The following CCDC33 variants were observed in gnomAD, a reference collection of about 807,000 sequenced individuals.
CCDC33 encodes the protein coiled-coil domain containing 33.
In CCDC33, 94 loss-of-function variants were observed where a neutral mutation model predicts 91.9. That is an observed-to-expected ratio of 1.02 (90% confidence interval 0.87 to 1.21). CCDC33 has a LOEUF of 1.21. Among genes scored for constraint, CCDC33 ranks in the 50% most tolerant of loss-of-function variants. The probability of loss-of-function intolerance (pLI) is 0.00; values close to 1 mark genes in which losing one functional copy is unlikely to be tolerated. For synonymous variants in CCDC33, 396 were observed against 374.5 expected, an observed-to-expected ratio of 1.06 and a Z score of -0.66; for missense variants, 940 against 935.5, an observed-to-expected ratio of 1.00 and a Z score of -0.06.
In CCDC33 at chr15:74,281,819, G is replaced by A; in HGVS notation, c.1065G>A (p.Val355=). 1 of 1,614,084 alleles carries A rather than the reference G, an allele frequency of 6.2e-7. No individual in the cohort carries two copies. The highest frequency in any genetic ancestry group is 8.5e-7 in the Non-Finnish European group (1 of 1,179,980). Reference sequence around the variant, plus strand: ...CTATCAATGATGAGGCCCCCACAGTGGCTCTCTCCTTCCAGCTGCTTTCCT... The same window carrying A: ...CTATCAATGATGAGGCCCCCACAGTAGCTCTCTCCTTCCAGCTGCTTTCCT... ...LKTINDEAPT[V]ALSFQLLSSE... Residue 355 remains valine (V), a synonymous_variant, in exon 10 of 19, where the codon GTG becomes GTA. Coordinates refer to ENST00000398814, the MANE Select transcript of CCDC33 (RefSeq NM_025055.5).
At chr15:74,290,763 G>A (rs2059570594) in intron 10 of CCDC33, among the ~76,000 whole-genome samples, 1 of 152,338 alleles carries the variant, frequency 6.6e-6, no homozygotes, top group Middle Eastern at 3.4e-3. Context: ...CTGGGTGCTA[G>A]GGTGCAGGGT....
intron 2 of CCDC33, among the ~76,000 whole-genome samples, chr15:74,247,031 G>C (rs1054373104): frequency 3.3e-5 from 5 of 152,014 alleles, no homozygotes; most frequent in Non-Finnish European, 7.4e-5. Flanking sequence ...TGTAATCCTA[G>C]CTACTAGGAA....
rs1339749895 is a variant in CCDC33 at position 74,280,799 on chromosome 15, A to G, written c.1021A>G (p.Met341Val). 1.2e-5 allele frequency: 18 copies of G among 1,520,482 alleles called. No homozygotes were observed. The highest frequency in any genetic ancestry group is 1.5e-5 in the Non-Finnish European group (17 of 1,133,178). 94.2% of individuals were successfully genotyped at this position (1,520,482 alleles called of 1,614,324 possible). The change falls in exon 9 of 19, where the codon ATG becomes GTG. Residue 341 changes from methionine (M) to valine (V), a missense_variant and splice_region_variant. Physicochemically the swap from Met to Val is conservative, Grantham distance 21. Transcript: ENST00000398814. Reference protein sequence around the residue: ...DGLHVERLPIMDTSLKTINDE... With the variant: ...DGLHVERLPIVDTSLKTINDE... ...GCTTCACGTGGAGCGGCTCCCCATC[A>G]TGGTGAGCCCCCTGCCCTGAACTGG...
intron 7 of CCDC33, among the ~76,000 whole-genome samples, chr15:74,273,591 CT>C (rs2076377592): frequency 6.6e-6 from 1 of 151,652 alleles, no homozygotes; most frequent in Non-Finnish European, 1.5e-5. Flanking sequence ...GCCTCAGCCT[CT>C]CGAGTAGCTG....
rs558881053 is a variant in CCDC33 at position 74,206,001 on chromosome 15, G to A, written n.89+2903G>A. Among the ~76,000 whole-genome samples the A allele has an allele frequency of 7.2e-5, 11 of 152,306 alleles. No homozygotes were observed. The East Asian group carries it at 1.2e-3, about 16-fold the overall frequency. Reference sequence around the variant, plus strand: ...GCCTGGTTGGGGAGGCCACCTAGCCGGATTTGAACCCTGGGACTGGCTATG... The same window carrying A: ...GCCTGGTTGGGGAGGCCACCTAGCCAGATTTGAACCCTGGGACTGGCTATG... On this transcript the variant is annotated intron_variant and non_coding_transcript_variant, in intron 1 of 3. Transcript: ENST00000558645.
Position 74,218,619 on chromosome 15 carries a change from C to G in CCDC33, c.433C>G (p.Pro145Ala). Residue 145 changes from proline to alanine, a missense_variant, in exon 2 of 3, where the codon CCA becomes GCA. Transcript: ENST00000635913. This position sits in a 1 kb window ranked among gnomAD's most constrained non-coding sequence, Gnocchi z 4.8. ...GGCCATCTTCCCCATCTACCCGAGG[C>G]CAGACCAACCCCGCATGAACCCAAA... 1 of 1,289,866 alleles carries G rather than the reference C, an allele frequency of 7.8e-7. No homozygotes were observed. Among genetic ancestry groups the G allele is most frequent in the Non-Finnish European group, 1.0e-6 (1 of 988,894 alleles). 79.9% of individuals were successfully genotyped at this position (1,289,866 alleles called of 1,614,324 possible).
intron 7 of CCDC33, among the ~76,000 whole-genome samples, chr15:74,279,410 C>T (rs2076530988): frequency 6.6e-6 from 1 of 152,138 alleles, no homozygotes; most frequent in South Asian, 2.1e-4. Flanking sequence ...GGAAGAAGCA[C>T]AGTTTTATGA....
At position 74,295,785 on chromosome 15, in the gene CCDC33, G is replaced by A. The variant is rs2059674022; in HGVS notation, c.1127G>A (p.Ser376Asn). 1.9e-6 allele frequency: 3 copies of A among 1,613,700 alleles called. No homozygotes were observed. Among genetic ancestry groups the A allele is most frequent in the Non-Finnish European group, 8.5e-7 (1 of 1,179,848 alleles). ...GAAAACTTCTTGACACCAAACAACA[G>A]CAAGGCTCTTCCTACCTTGGACCCC... ...RPENFLTPNNSKALPTLDPKI... is the reference protein window; with the variant it reads ...RPENFLTPNNNKALPTLDPKI... Residue 376 changes from serine (S) to asparagine (N), a missense_variant, in exon 11 of 19, where the codon AGC becomes AAC. By Grantham distance (46) the Ser-to-Asn change is conservative (BLOSUM62 1). Coordinates refer to ENST00000398814, the MANE Select transcript of CCDC33 (RefSeq NM_025055.5).
chr15:74,205,757 C>T (rs1176861132), intron 1 of CCDC33, among the ~76,000 whole-genome samples: 2 of 152,206 alleles, frequency 1.3e-5, no homozygotes, highest in Non-Finnish European at 2.9e-5. Context: ...CCACCCCCCA[C>T]GGAGAGCCCA....
At chr15:74,206,021 G>T (rs1423542166) in intron 1 of CCDC33, among the ~76,000 whole-genome samples, 1 of 152,214 alleles carries the variant, frequency 6.6e-6, no homozygotes, top group Non-Finnish European at 1.5e-5. Flanking sequence ...CCTGGGACTG[G>T]CTATGTGGCC....
At chr15:74,317,891 T>G (rs899946192) in intron 11 of CCDC33, among the ~76,000 whole-genome samples, 89 of 29,816 alleles carry the variant, frequency 3.0e-3, no homozygotes, top group Non-Finnish European at 8.8e-3. Flanking sequence ...GGGTTTGTTT[T>G]TTTTTTTTTT....
chr15:74,235,969 A>C (rs995437546), upstream of CCDC33, among the ~76,000 whole-genome samples: 4 of 152,200 alleles, frequency 2.6e-5, no homozygotes, highest in Non-Finnish European at 4.4e-5. Flanking sequence ...TTATCAAATA[A>C]ATGGAAGACT....
chr15:74,333,460 G>GT, intron 16 of CCDC33: 1 of 693,488 alleles, frequency 1.4e-6, no homozygotes, highest in Non-Finnish European at 2.5e-6. Flanking sequence ...GCACAGGAGA[G>GT]TTTTCTCTCC....
chr15:74,254,961 T>G (rs978801338), intron 2 of CCDC33, among the ~76,000 whole-genome samples: 3 of 152,258 alleles, frequency 2.0e-5, no homozygotes, highest in Non-Finnish European at 4.4e-5. Flanking sequence ...TTGGCCAAGC[T>G]GGTCTCGAAC....
At chr15:74,259,070 C>T (rs1168078425) in intron 2 of CCDC33, among the ~76,000 whole-genome samples, 3 of 152,190 alleles carry the variant, frequency 2.0e-5, no homozygotes, top group Non-Finnish European at 2.9e-5. Context: ...CCAGTCCTAT[C>T]CTGGCATGGC....
At chr15:74,268,639 C>A (rs961170845) in intron 5 of CCDC33, among the ~76,000 whole-genome samples, 181 bp downstream of exon 5, 1 of 152,250 alleles carries the variant, frequency 6.6e-6, no homozygotes, top group Admixed American at 6.5e-5. Context: ...GAAGACAAGC[C>A]CTTTGGCAGG....
Position 74,289,540 on chromosome 15 carries a change from C to A in CCDC33, c.1096-6214C>A, listed in dbSNP as rs140023866. Among the ~76,000 whole-genome samples, 1,147 of 152,274 alleles carry A rather than the reference C, an allele frequency of 7.5e-3. 7 individuals are homozygous for A. Among genetic ancestry groups the A allele is most frequent in the Non-Finnish European group, 0.011 (762 of 68,030 alleles). On this transcript the variant is annotated intron_variant, in intron 10 of 18. Transcript: ENST00000398814. The stretch of plus-strand genomic sequence containing the variant: ...ACCAGCCCGGGCAACATGGCAAAAC[C>A]CCATCTCCACTAAAAATGCAAAAAT...
In CCDC33 at chr15:74,292,203, G is replaced by A. The variant is rs79021642; in HGVS notation, c.1096-3551G>A. ...CACCTTACCTGGAGGAAAGGAGAGCGAGGCAAGGCTGGGCTTGATTAGGAG... is the reference window on the plus strand; with the variant it reads ...CACCTTACCTGGAGGAAAGGAGAGCAAGGCAAGGCTGGGCTTGATTAGGAG... On this transcript the variant is annotated intron_variant, in intron 10 of 18. Coordinates refer to ENST00000398814, the MANE Select transcript of CCDC33 (RefSeq NM_025055.5). 9.0e-3 allele frequency among the ~76,000 whole-genome samples: 1,368 copies of A among 152,348 alleles called. 12 individuals carry two copies. The highest frequency in any genetic ancestry group is 0.058 in the Middle Eastern group (17 of 294).
chr15:74,262,647 A>C lies in CCDC33; in HGVS notation c.319+74A>C, dbSNP rs367632082. 62 of 1,508,366 alleles carry C rather than the reference A, an allele frequency of 4.1e-5. No homozygotes were observed. The South Asian group carries it at 7.2e-4, about 18-fold the overall frequency. The allele number at this position is 1,508,366 out of a possible 1,614,324, so 93.4% of individuals were successfully genotyped here. A position where few individuals can be genotyped will look rare whatever the true frequency, so the allele number is the denominator to read the frequency against. On this transcript the variant is annotated intron_variant, in intron 3 of 18. Transcript: ENST00000398814. ...CAGCCAAGGACTTAGAGCAAGAAGCAGGCTCCCTCTCACTGCAGCTGGTAG... is the reference window on the plus strand; with the variant it reads ...CAGCCAAGGACTTAGAGCAAGAAGCCGGCTCCCTCTCACTGCAGCTGGTAG...
Sources: allele counts gnomAD v4.1 joint callset (sites outside exome capture counted in the v4.1 genomes callset), GRCh38; gene constraint gnomAD v4.1.1; non-coding constraint Gnocchi (gnomAD v3.1); transcripts MANE v1.5; gene names NCBI Gene and HGNC (gene_info 2026-07-23, HGNC 2026-07-21).